CDC5L: variants seen among roughly 807,000 people sequenced by gnomAD.
The protein encoded by CDC5L is cell division cycle 5-like protein.
Under a neutral mutation model 104.1 loss-of-function variants are expected in CDC5L, and 18 were observed. The observed-to-expected ratio is 0.17, with a 90% CI of 0.12 to 0.26. CDC5L has a LOEUF of 0.26. Among genes scored for constraint, CDC5L ranks in the 10% least tolerant of loss-of-function variants. The probability of loss-of-function intolerance (pLI) is 1.00; values close to 1 mark genes in which losing one functional copy is unlikely to be tolerated. For missense variants in CDC5L, 673 were observed against 956.9 expected (o/e 0.70, Z 3.91); for synonymous variants, 331 against 322.7 (o/e 1.03, Z -0.28).
At position 44,424,402 on chromosome 6, in the gene CDC5L, C is replaced by T. The variant is rs1433421038; in HGVS notation, c.1405-17C>T. ...TTTAATATGCATGAATTGAGAAGGACCACTTCTTTTCTACAGGAAAGAGAA... is the reference window on the plus strand; with the variant it reads ...TTTAATATGCATGAATTGAGAAGGATCACTTCTTTTCTACAGGAAAGAGAA... On this transcript the variant is annotated splice_polypyrimidine_tract_variant and intron_variant, in intron 10 of 15. Coordinates refer to ENST00000371477, the MANE Select transcript of CDC5L (RefSeq NM_001253.4). 4 of 1,606,036 alleles carry T rather than the reference C, an allele frequency of 2.5e-6. No individual in the cohort carries two copies. Among genetic ancestry groups the T allele is most frequent in the Admixed American group, 1.7e-5 (1 of 58,752 alleles).
chr6:44,433,954 G>T (rs1412110817), intron 14 of CDC5L, among the ~76,000 whole-genome samples: 2 of 152,222 alleles, frequency 1.3e-5, no homozygotes, highest in Admixed American at 1.3e-4. Flanking sequence ...GCTATATGTT[G>T]TCAGATATCA....
intron 14 of CDC5L, among the ~76,000 whole-genome samples, chr6:44,440,708 CT>C (rs372146196): frequency 0.069 from 9,017 of 130,802 alleles, 447 homozygotes; most frequent in East Asian, 0.39. Context: ...ATTTAAAATC[CT>C]TTTTTTTTTT....
chr6:44,419,729 T>A (rs1792073789), intron 9 of CDC5L, 132 bp downstream of exon 9: 1 of 692,680 alleles, frequency 1.4e-6, no homozygotes, highest in Non-Finnish European at 2.5e-6. Context: ...TTCTTCATAG[T>A]AATAAATAAT....
rs1236268269 is a variant in CDC5L at position 44,426,486 on chromosome 6, A to G, written c.1655A>G (p.Asn552Ser). The G allele has an allele frequency of 2.7e-6, 4 of 1,467,878 alleles. No homozygotes were observed. The highest frequency in any genetic ancestry group is 2.8e-6 in the Non-Finnish European group (3 of 1,055,960). 90.9% of individuals were successfully genotyped at this position (1,467,878 alleles called of 1,614,324 possible). Residue 552 changes from asparagine (N) to serine (S), a missense_variant, in exon 13 of 16, where the codon AAT becomes AGT. Around this residue, in one of 4 missense-constraint regions of CDC5L, gnomAD observed 578 missense variants for 737.0 expected, o/e 0.78. Transcript: ENST00000371477. ...QKDLPRPSEV[N>S]ETILRPLNVE... ...GTATTTGTTTTAAAATTTTAGGTAA[A>G]TGAAACTATTCTAAGACCCTTAAAT...
rs116773781 is a variant in CDC5L at position 44,436,783 on chromosome 6, G to A, written c.2091+6873G>A. ...ATTATGAAATAGAATTACGGTGCGT[G>A]AAATTTGTCAGCTTGGCCTTCCTAC... On this transcript the variant is annotated intron_variant, in intron 14 of 15. Transcript: ENST00000371477. Among the ~76,000 whole-genome samples the A allele has an allele frequency of 8.0e-3, 1,212 of 152,278 alleles. 21 individuals carry two copies. Among genetic ancestry groups the A allele is most frequent in the African/African-American group, 0.028 (1,158 of 41,548 alleles).
At chr6:44,416,884 T>TA (rs1791932241) in intron 8 of CDC5L, among the ~76,000 whole-genome samples, 1 of 152,252 alleles carries the variant, frequency 6.6e-6, no homozygotes, top group East Asian at 1.9e-4. Flanking sequence ...TAAGCCTACA[T>TA]ACGTTTCTTT....
At chr6:44,403,324 G>T (rs1365113449) in intron 5 of CDC5L, among the ~76,000 whole-genome samples, 1 of 145,548 alleles carries the variant, frequency 6.9e-6, no homozygotes, top group East Asian at 2.0e-4. Context: ...CACCCTTTGA[G>T]TGCATTAAAA....
At chr6:44,441,295 C>A (rs980302914) in intron 14 of CDC5L, among the ~76,000 whole-genome samples, 2 of 152,228 alleles carry the variant, frequency 1.3e-5, no homozygotes, top group Non-Finnish European at 2.9e-5. Context: ...CCTCTGTGTC[C>A]ATCTGTTGTT....
At chr6:44,421,323 T>C (rs1200866380) in intron 9 of CDC5L, among the ~76,000 whole-genome samples, 8 of 152,250 alleles carry the variant, frequency 5.3e-5, no homozygotes, top group Non-Finnish European at 8.8e-5. Flanking sequence ...GAAGAATCTT[T>C]AAAATACAAA....
chr6:44,405,446 G>A (rs1291256032), intron 6 of CDC5L, among the ~76,000 whole-genome samples: 1 of 152,166 alleles, frequency 6.6e-6, no homozygotes, highest in Non-Finnish European at 1.5e-5. Context: ...CAGAAGGGGA[G>A]GAGGTATTCC....
At chr6:44,436,530 A>G (rs1792947178) in intron 14 of CDC5L, among the ~76,000 whole-genome samples, 1 of 152,176 alleles carries the variant, frequency 6.6e-6, no homozygotes, top group Non-Finnish European at 1.5e-5. Context: ...TTGATGTTTC[A>G]TGATTTGTGG....
In CDC5L at chr6:44,411,637, A is replaced by AGAGAGAGTGTGTGTGTGTGTGTGT; in HGVS notation, c.1092+3006_1092+3007insAGAGAGTGTGTGTGTGTGTGTGTG. 2.0e-4 allele frequency among the ~76,000 whole-genome samples: 25 copies of AGAGAGAGTGTGTGTGTGTGTGTGT among 123,746 alleles called. 1 individual carries two copies. The South Asian group carries it at 4.2e-3, about 21-fold the overall frequency. 81.2% of individuals were successfully genotyped at this position (123,746 alleles called of 152,430 possible). ...GAGAGAGAGAGAGAGAGAGAGAGAGAGTGTGTGTGTGTGTGTGACTAAAAA... is the reference window on the plus strand; with the variant it reads ...GAGAGAGAGAGAGAGAGAGAGAGAGAGAGAGAGTGTGTGTGTGTGTGTGTGTGTGTGTGTGTGTGTGACTAAAAA... On this transcript the variant is annotated intron_variant, in intron 8 of 15. Transcript: ENST00000371477.
Position 44,441,148 on chromosome 6 carries a change from C to T in CDC5L, c.2092-4507C>T, listed in dbSNP as rs114529095. ...AACATCTCCCCTTTCCCTATCTACC[C>T]TTTACCCCAGTATCCTCTGGTAGCC... On this transcript the variant is annotated intron_variant, in intron 14 of 15. Transcript: ENST00000371477. Among the ~76,000 whole-genome samples, 1,211 of 152,310 alleles carry T rather than the reference C, an allele frequency of 8.0e-3. 21 individuals are homozygous for T. The highest frequency in any genetic ancestry group is 0.028 in the African/African-American group (1,157 of 41,580).
chr6:44,389,258 C>T (rs1790488714), intron 1 of CDC5L, among the ~76,000 whole-genome samples: 1 of 152,114 alleles, frequency 6.6e-6, no homozygotes, highest in Non-Finnish European at 1.5e-5. Flanking sequence ...ACCGAGGGAA[C>T]CAGACTGTTT....
At chr6:44,438,812 C>G (rs1275896839) in intron 14 of CDC5L, among the ~76,000 whole-genome samples, 1 of 150,984 alleles carries the variant, frequency 6.6e-6, no homozygotes, top group South Asian at 2.1e-4. Context: ...TTTTTTTCTC[C>G]TGTGGAGGTA....
At chr6:44,434,360 T>C (rs893071483) in intron 14 of CDC5L, among the ~76,000 whole-genome samples, 1 of 152,212 alleles carries the variant, frequency 6.6e-6, no homozygotes, top group African/African-American at 2.4e-5. Flanking sequence ...TGCTAACTCA[T>C]AGATGCAAAC....
chr6:44,387,780 C>T lies in CDC5L; in HGVS notation c.-44C>T, dbSNP rs758558676. On this transcript the variant is annotated 5_prime_UTR_variant, in exon 1 of 16. Transcript: ENST00000371477. ...TGGCCCAATCGCTGTTACTACTTCTCTGAAGCTCCTCTCGGCTGCTTGCCG... is the reference window on the plus strand; with the variant it reads ...TGGCCCAATCGCTGTTACTACTTCTTTGAAGCTCCTCTCGGCTGCTTGCCG... The T allele has an allele frequency of 6.5e-7, 1 of 1,536,168 alleles. No individual in the cohort carries two copies. Among genetic ancestry groups the T allele is most frequent in the Admixed American group, 2.0e-5 (1 of 51,016 alleles).
chr6:44,427,472 A>G (rs1792477714), intron 13 of CDC5L, among the ~76,000 whole-genome samples: 1 of 152,234 alleles, frequency 6.6e-6, no homozygotes, highest in African/African-American at 2.4e-5. Context: ...TTAGGATAAA[A>G]CAAACAAGAT....
chr6:44,426,811 C>T (rs1792443174), intron 13 of CDC5L, 87 bp downstream of exon 13: 1 of 1,319,888 alleles, frequency 7.6e-7, no homozygotes, highest in Non-Finnish European at 1.1e-6. Context: ...CTTATTTTTC[C>T]CTGTTGGTAT....
Sources: gnomAD v4.1 joint callset for allele counts (sites outside exome capture counted in the v4.1 genomes callset) on GRCh38, gnomAD v4.1.1 for gene constraint, gnomAD v4.1.1 regional missense constraint, MANE v1.5 for transcripts, NCBI Gene and HGNC (gene_info 2026-07-23, HGNC 2026-07-21) for gene names.